LRRC7: variants seen among roughly 807,000 people sequenced by gnomAD.
LRRC7 encodes the protein leucine-rich repeat-containing protein 7.
A neutral mutation model predicts 175.7 loss-of-function variants in LRRC7; 23 were observed. The ratio of observed to expected loss-of-function variants is 0.13; its 90% CI spans 0.09 to 0.19. The LOEUF is 0.19. Among genes scored for constraint, LRRC7 ranks in the 10% least tolerant of loss-of-function variants. The pLI, the probability that LRRC7 is intolerant of heterozygous loss-of-function variation, is 1.00. For missense variants in LRRC7, 1,354 were observed against 1,904.7 expected, an observed-to-expected ratio of 0.71 and a Z score of 5.38; for synonymous variants, 685 against 680.9, an observed-to-expected ratio of 1.01 and a Z score of -0.09.
chr1:69,863,326 A>T (rs1425928024), intron 7 of LRRC7, among the ~76,000 whole-genome samples: 1 of 152,188 alleles, frequency 6.6e-6, no homozygotes, highest in Non-Finnish European at 1.5e-5. Flanking sequence ...TAATTTCTAT[A>T]TAACACTGGT....
chr1:70,124,419 G>A lies in LRRC7; in HGVS notation c.*2532G>A, dbSNP rs181280776. 2.8e-4 allele frequency among the ~76,000 whole-genome samples: 43 copies of A among 152,282 alleles called. No individual in the cohort carries two copies. Among genetic ancestry groups the A allele is most frequent in the African/African-American group, 1.0e-3 (42 of 41,552 alleles). On this transcript the variant is annotated 3_prime_UTR_variant, in exon 27 of 27. Coordinates refer to ENST00000651989, the MANE Select transcript of LRRC7 (RefSeq NM_001370785.2). ...CACCTATAATCCCAGCTATTTGGGA[G>A]GCTGAGGCATGAGAATCAATCGCTT...
intron 26 of LRRC7, among the ~76,000 whole-genome samples, chr1:70,113,744 T>G (rs1665666353): frequency 6.6e-6 from 1 of 151,942 alleles, no homozygotes; most frequent in Admixed American, 6.6e-5. Flanking sequence ...AAAAAAGAGT[T>G]CATGGTCAAC....
chr1:69,959,691 A>G (rs1650848780), intron 8 of LRRC7, among the ~76,000 whole-genome samples: 1 of 152,044 alleles, frequency 6.6e-6, no homozygotes, highest in Non-Finnish European at 1.5e-5. Flanking sequence ...CTCTGCTTCA[A>G]GGAGCTCAGT....
intron 4 of LRRC7, among the ~76,000 whole-genome samples, chr1:69,812,322 G>A (rs1677992218): frequency 6.6e-6 from 1 of 152,100 alleles, no homozygotes. Context: ...TTTGAAATAA[G>A]CTAGGCCTAG....
At position 69,600,800 on chromosome 1, in the gene LRRC7, C is replaced by CTTTTTTTTTTTTTTTTTTTTTTTTTTTTT. The variant is rs59212223; in HGVS notation, c.2+32187_2+32188insTTTTTTTTTTTTTTTTTTTTTTTTTTTTT. Among the ~76,000 whole-genome samples, 2 of 64,896 alleles carry CTTTTTTTTTTTTTTTTTTTTTTTTTTTTT rather than the reference C, an allele frequency of 3.1e-5. 1 individual carries two copies. The highest frequency in any genetic ancestry group is 1.2e-4 in the African/African-American group (2 of 16,152). The allele number at this position is 64,896 out of a possible 152,430, so 42.6% of individuals were successfully genotyped here. On this transcript the variant is annotated intron_variant, in intron 1 of 26. Coordinates refer to ENST00000651989, the MANE Select transcript of LRRC7 (RefSeq NM_001370785.2). Reference sequence around the variant, plus strand: ...CCATTTCTCCAAGGATCTCTGGTTTCTTTTTTTTTTTTTTTTTTTTTTTTT... The same window carrying CTTTTTTTTTTTTTTTTTTTTTTTTTTTTT: ...CCATTTCTCCAAGGATCTCTGGTTTCTTTTTTTTTTTTTTTTTTTTTTTTTTTTTTTTTTTTTTTTTTTTTTTTTTTTTT...
intron 3 of LRRC7, among the ~76,000 whole-genome samples, chr1:69,760,706 A>G (rs1670945647): frequency 6.6e-6 from 1 of 151,988 alleles, no homozygotes; most frequent in South Asian, 2.1e-4. Context: ...TATGTTTAGA[A>G]AGAAAGGAAA....
chr1:69,679,279 AG>A (rs1324373450), intron 2 of LRRC7, among the ~76,000 whole-genome samples: 2 of 152,088 alleles, frequency 1.3e-5, no homozygotes, highest in African/African-American at 4.8e-5. Context: ...GTCCTTTTAC[AG>A]GAACTTACAT....
At chr1:70,075,427 A>G (rs1044990936) in intron 23 of LRRC7, among the ~76,000 whole-genome samples, 1 of 152,192 alleles carries the variant, frequency 6.6e-6, no homozygotes, top group African/African-American at 2.4e-5. Context: ...AATGATCATT[A>G]TCGGTTTAAA....
chr1:69,676,445 T>A (rs1659784744), intron 1 of LRRC7, among the ~76,000 whole-genome samples: 1 of 152,112 alleles, frequency 6.6e-6, no homozygotes, highest in African/African-American at 2.4e-5. Context: ...TACTATGATT[T>A]AGTTCCAAAT....
chr1:69,772,897 G>C (rs1451255649), intron 3 of LRRC7, among the ~76,000 whole-genome samples: 1 of 152,144 alleles, frequency 6.6e-6, no homozygotes, highest in East Asian at 1.9e-4. Flanking sequence ...TGAAAAAGAG[G>C]GAGTATAAAC....
chr1:69,809,291 C>T (rs1276279920), intron 4 of LRRC7, among the ~76,000 whole-genome samples: 1 of 152,104 alleles, frequency 6.6e-6, no homozygotes, highest in African/African-American at 2.4e-5. Flanking sequence ...AATAGCCTAT[C>T]AACCGAAAAA....
intron 2 of LRRC7, among the ~76,000 whole-genome samples, chr1:69,733,997 A>G (rs1667851156): frequency 6.6e-6 from 1 of 151,942 alleles, no homozygotes; most frequent in African/African-American, 2.4e-5. Context: ...TGGTTCTTTT[A>G]TTTGTAATAA....
intron 7 of LRRC7, among the ~76,000 whole-genome samples, chr1:69,851,224 A>G (rs1475776071): frequency 6.6e-6 from 1 of 152,180 alleles, no homozygotes; most frequent in Non-Finnish European, 1.5e-5. Flanking sequence ...GTAGCGCATT[A>G]TGTGCAGCCT....
intron 2 of LRRC7, among the ~76,000 whole-genome samples, chr1:69,711,443 T>G (rs901639715): frequency 1.3e-5 from 2 of 152,204 alleles, no homozygotes; most frequent in African/African-American, 4.8e-5. Flanking sequence ...CAATTCAATA[T>G]CTGTTTCAAA....
intron 1 of LRRC7, among the ~76,000 whole-genome samples, chr1:69,616,561 C>A (rs1649655319): frequency 6.6e-6 from 1 of 151,908 alleles, no homozygotes; most frequent in Non-Finnish European, 1.5e-5. Flanking sequence ...ATGTTTCTTT[C>A]CAATGGCTTG....
At chr1:69,868,899 G>A (rs1206948830) in intron 7 of LRRC7, among the ~76,000 whole-genome samples, 8 of 141,270 alleles carry the variant, frequency 5.7e-5, no homozygotes, top group African/African-American at 1.8e-4. Flanking sequence ...ATCTATATAT[G>A]TATGTATATA....
Position 69,985,285 on chromosome 1 carries a change from C to A in LRRC7, c.787-957C>A, listed in dbSNP as rs190644249. ...ACACAGATACTGGTGCATAGTAGAT[C>A]CTTCAAAAAGGGCCATTGAATGAGC... On this transcript the variant is annotated intron_variant, in intron 9 of 26. Transcript: ENST00000651989. 2.0e-5 allele frequency among the ~76,000 whole-genome samples: 3 copies of A among 152,196 alleles called. No individual in the cohort carries two copies. The East Asian group carries it at 5.8e-4, about 29-fold the overall frequency.
intron 2 of LRRC7, among the ~76,000 whole-genome samples, chr1:69,684,809 G>C (rs1443223911): frequency 6.6e-6 from 1 of 152,144 alleles, no homozygotes. Flanking sequence ...AAACAACAGA[G>C]GTTTGGAAGA....
chr1:70,144,126 CCA>C lies in LRRC7; in HGVS notation c.*22240_*22241del, dbSNP rs1475268253. ...AATTTGCAAATGCAAGCTGTATTCTCCAGTTTTATTTTATGTACTGACACTAA... is the reference window on the plus strand; with the variant it reads ...AATTTGCAAATGCAAGCTGTATTCTCGTTTTATTTTATGTACTGACACTAA... On this transcript the variant is annotated 3_prime_UTR_variant, in exon 27 of 27. Transcript: ENST00000651989. 12 of 152,166 alleles carry C rather than the reference CCA, an allele frequency of 7.9e-5. No homozygotes were observed. Among genetic ancestry groups the C allele is most frequent in the Non-Finnish European group, 1.5e-4 (10 of 68,010 alleles). The allele number at this position is 152,166 out of a possible 1,614,324, so 9.4% of individuals were successfully genotyped here.
Sources: allele counts gnomAD v4.1 joint callset (sites outside exome capture counted in the v4.1 genomes callset), GRCh38; gene constraint gnomAD v4.1.1; transcripts MANE v1.5; gene names NCBI Gene and HGNC (gene_info 2026-07-23, HGNC 2026-07-21).